WWOX: variants seen among roughly 807,000 people sequenced by gnomAD.
The protein encoded by WWOX is WW domain-containing oxidoreductase.
WWOX carries 69 observed loss-of-function variants against 46.2 expected under a neutral mutation model. That is an observed-to-expected ratio of 1.49 (90% CI 1.23 to 1.82). The LOEUF is 1.82. Among genes scored for constraint, WWOX ranks in the 40% most tolerant of loss-of-function variants. WWOX has a pLI of 0.00. For synonymous variants in WWOX, 359 were observed against 202.6 expected (o/e 1.77, Z -6.56); for missense variants, 919 against 542.6 (o/e 1.69, Z -6.89).
At chr16:78,709,047 C>A (rs1007860249) in intron 8 of WWOX, among the ~76,000 whole-genome samples, 1 of 152,210 alleles carries the variant, frequency 6.6e-6, no homozygotes, top group African/African-American at 2.4e-5. Flanking sequence ...AATTGGCCCC[C>A]TGACCCCTTA....
intron 8 of WWOX, among the ~76,000 whole-genome samples, chr16:78,920,080 C>G (rs2045344321): frequency 6.6e-6 from 1 of 152,174 alleles, no homozygotes; most frequent in Non-Finnish European, 1.5e-5. Flanking sequence ...CATGCCATAG[C>G]TTGCAAAAAC....
chr16:78,967,459 G>GCT (rs760361225), intron 8 of WWOX, among the ~76,000 whole-genome samples: 3 of 98,350 alleles, frequency 3.1e-5, no homozygotes, highest in Admixed American at 1.3e-4. Context: ...AATTTTTGTG[G>GCT]TTTTTTTTTT....
At chr16:78,734,898 C>T (rs950839145) in intron 8 of WWOX, among the ~76,000 whole-genome samples, 70 of 102,176 alleles carry the variant, frequency 6.9e-4, no homozygotes, top group Non-Finnish European at 1.1e-3. Context: ...TAGGGTCTGG[C>T]TCTGTTGGCT....
chr16:78,803,956 G>T (rs1388613921), intron 8 of WWOX, among the ~76,000 whole-genome samples: 1 of 152,058 alleles, frequency 6.6e-6, no homozygotes, highest in Non-Finnish European at 1.5e-5. Context: ...TCATGATCTT[G>T]GAAGAAGGAA....
intron 4 of WWOX, among the ~76,000 whole-genome samples, chr16:78,137,272 T>C (rs1377785602): frequency 6.6e-6 from 1 of 152,192 alleles, no homozygotes; most frequent in African/African-American, 2.4e-5. Context: ...TCTTTTGGAT[T>C]GTGAATCCTC....
At chr16:78,480,318 G>A (rs2084456378) in intron 8 of WWOX, among the ~76,000 whole-genome samples, 1 of 152,200 alleles carries the variant, frequency 6.6e-6, no homozygotes, top group East Asian at 1.9e-4. Flanking sequence ...AGTCCCCAAA[G>A]TGTGAAGGAT....
At chr16:78,944,853 C>G (rs189615592) in intron 8 of WWOX, among the ~76,000 whole-genome samples, 2 of 151,984 alleles carry the variant, frequency 1.3e-5, no homozygotes, top group East Asian at 1.9e-4. Context: ...TCACCTGGGT[C>G]CAGAACACAG....
At chr16:79,099,908 G>C (rs1029272144) in intron 8 of WWOX, among the ~76,000 whole-genome samples, 58 of 152,262 alleles carry the variant, frequency 3.8e-4, no homozygotes, top group African/African-American at 1.4e-3. Flanking sequence ...GGGTTGCCTA[G>C]GCAAGTCTGA....
intron 5 of WWOX, among the ~76,000 whole-genome samples, chr16:78,179,244 C>T (rs2035450773): frequency 6.6e-6 from 1 of 152,158 alleles, no homozygotes; most frequent in African/African-American, 2.4e-5. Context: ...AAGATGTGAG[C>T]AAATTTGTGC....
At chr16:78,132,019 T>G (rs1276976900) in intron 4 of WWOX, among the ~76,000 whole-genome samples, 1 of 150,276 alleles carries the variant, frequency 6.7e-6, no homozygotes, top group Non-Finnish European at 1.5e-5. Context: ...TTTTTTCTTT[T>G]TCTTTTTCTT....
chr16:79,103,775 A>C (rs979957381), intron 8 of WWOX, among the ~76,000 whole-genome samples: 3 of 152,092 alleles, frequency 2.0e-5, no homozygotes, highest in African/African-American at 7.2e-5. Flanking sequence ...CTGAGTCCTC[A>C]AGGATGGTAA....
chr16:78,344,936 G>T (rs1210188383), intron 5 of WWOX, among the ~76,000 whole-genome samples: 2 of 120,340 alleles, frequency 1.7e-5, no homozygotes, highest in East Asian at 3.9e-4. Flanking sequence ...TCCTTGCTGC[G>T]GGAACTCTGG....
At chr16:78,853,137 A>G (rs192280452) in intron 8 of WWOX, among the ~76,000 whole-genome samples, 22 of 152,354 alleles carry the variant, frequency 1.4e-4, no homozygotes, top group African/African-American at 1.7e-4. Context: ...ATGTTGTACT[A>G]TACGTTATAA....
chr16:78,278,461 G>T (rs1408158611), intron 5 of WWOX: 2 of 746,188 alleles, frequency 2.7e-6, no homozygotes, highest in Non-Finnish European at 4.4e-6. Context: ...TAAATAGGAG[G>T]TGTTGGAAGA....
intron 8 of WWOX, among the ~76,000 whole-genome samples, chr16:78,735,426 C>CACACACACACACACACACACACACAA (rs57609552): frequency 2.0e-5 from 3 of 150,190 alleles, no homozygotes; most frequent in South Asian, 2.1e-4. Context: ...CACACACACA[C>CACACACACACACACACACACACACAA]TAATATGGTT....
At chr16:79,082,692 T>C (rs1396803364) in intron 8 of WWOX, among the ~76,000 whole-genome samples, 2 of 152,198 alleles carry the variant, frequency 1.3e-5, no homozygotes, top group Admixed American at 1.3e-4. Flanking sequence ...CCAGCACATT[T>C]GGACATCTGT....
chr16:78,166,151 C>T (rs533684617), intron 5 of WWOX, among the ~76,000 whole-genome samples: 2 of 152,078 alleles, frequency 1.3e-5, no homozygotes, highest in South Asian at 4.1e-4. Context: ...AACACACTCA[C>T]ATTCTGTTCT....
intron 8 of WWOX, among the ~76,000 whole-genome samples, chr16:78,562,806 C>A (rs75471426): frequency 0.053 from 8,142 of 152,250 alleles, 268 homozygotes; most frequent in Non-Finnish European, 0.075. Flanking sequence ...TCTTCAGTGT[C>A]ATCACAGAAA....
At chr16:78,206,183 G>A (rs1448901863) in intron 5 of WWOX, among the ~76,000 whole-genome samples, 2 of 152,026 alleles carry the variant, frequency 1.3e-5, no homozygotes, top group East Asian at 1.9e-4. Flanking sequence ...TTGAGATATA[G>A]TATGATATAA....
Sources: gnomAD v4.1 joint callset for allele counts (sites outside exome capture counted in the v4.1 genomes callset) on GRCh38, gnomAD v4.1.1 for gene constraint, MANE v1.5 for transcripts, NCBI Gene and HGNC (gene_info 2026-07-23, HGNC 2026-07-21) for gene names.